The following SETBP1 variants were observed in gnomAD, a reference collection of about 807,000 sequenced individuals.
SETBP1 encodes the protein SET binding protein 1.
SETBP1 carries 9 observed loss-of-function variants against 101.0 expected under a neutral mutation model. The ratio of observed to expected loss-of-function variants is 0.09; its 90% CI spans 0.05 to 0.16. The LOEUF is 0.16. Among genes scored for constraint, SETBP1 ranks in the 10% least tolerant of loss-of-function variants. The pLI, the probability that SETBP1 is intolerant of heterozygous loss-of-function variation, is 1.00. For missense variants in SETBP1, 1,858 were observed against 2,033.8 expected (o/e 0.91, Z 1.66); for synonymous variants, 818 against 788.5 (o/e 1.04, Z -0.63).
intron 5 of SETBP1, among the ~76,000 whole-genome samples, chr18:45,048,694 C>T (rs555235436): frequency 3.3e-5 from 5 of 152,016 alleles, no homozygotes; most frequent in Non-Finnish European, 7.4e-5. Flanking sequence ...AGATTAGGGC[C>T]GGGCGCGGTG....
At chr18:44,881,844 T>C (rs2069536987) in intron 3 of SETBP1, among the ~76,000 whole-genome samples, 1 of 152,186 alleles carries the variant, frequency 6.6e-6, no homozygotes, top group Non-Finnish European at 1.5e-5. Flanking sequence ...TTCTAGTAAA[T>C]GTGACAGTCT....
In SETBP1 at chr18:44,909,363, T is replaced by A. The variant is rs181660054; in HGVS notation, c.540+40080T>A. On this transcript the variant is annotated intron_variant, in intron 3 of 5. Coordinates refer to ENST00000649279, the MANE Select transcript of SETBP1 (RefSeq NM_015559.3). ...AATGGACCAGAATCCAGTAATCCAGTTTGTAGGTGTCTGCTCGGCTGTCAT... is the reference window on the plus strand; with the variant it reads ...AATGGACCAGAATCCAGTAATCCAGATTGTAGGTGTCTGCTCGGCTGTCAT... 2.0e-5 allele frequency among the ~76,000 whole-genome samples: 3 copies of A among 152,188 alleles called. No homozygotes were observed. In the East Asian group the frequency reaches 5.8e-4, roughly 29 times the overall value.
intron 4 of SETBP1, among the ~76,000 whole-genome samples, chr18:44,995,715 AGGACC>A: frequency 6.6e-6 from 1 of 152,336 alleles, no homozygotes; most frequent in African/African-American, 2.4e-5. Context: ...GTGTCTGCCA[AGGACC>A]TTCTTGGTGC....
At chr18:44,680,829 C>T (rs1455872797), upstream of SETBP1, 1 of 142,408 alleles carries the variant, frequency 7.0e-6, no homozygotes. Flanking sequence ...GGAGTGGACT[C>T]GGGAGGGGGA....
At chr18:44,851,211 T>C (rs1180376100) in intron 2 of SETBP1, among the ~76,000 whole-genome samples, 1 of 152,154 alleles carries the variant, frequency 6.6e-6, no homozygotes, top group Non-Finnish European at 1.5e-5. Flanking sequence ...AAGTGGTAAA[T>C]AAGTGGCATA....
chr18:44,980,381 T>C (rs946166655), intron 4 of SETBP1, among the ~76,000 whole-genome samples: 1 of 152,086 alleles, frequency 6.6e-6, no homozygotes, highest in African/African-American at 2.4e-5. Context: ...ACAATATGTA[T>C]TATAAGAGCC....
intron 2 of SETBP1, among the ~76,000 whole-genome samples, chr18:44,824,709 C>T (rs1232608378): frequency 1.3e-5 from 2 of 151,828 alleles, no homozygotes; most frequent in African/African-American, 4.8e-5. Context: ...TTTCTTTTCC[C>T]CAGGGAATTG....
chr18:45,012,572 G>T (rs1285487710), intron 4 of SETBP1, among the ~76,000 whole-genome samples: 1 of 152,116 alleles, frequency 6.6e-6, no homozygotes, highest in African/African-American at 2.4e-5. Context: ...CTAGCCCTGG[G>T]AGGAGCCATC....
chr18:44,879,462 A>T (rs2069482000), intron 3 of SETBP1, among the ~76,000 whole-genome samples: 2 of 152,288 alleles, frequency 1.3e-5, no homozygotes, highest in South Asian at 4.1e-4. Flanking sequence ...CACTCCATAA[A>T]TGTGCACTGT....
At chr18:44,827,821 T>C (rs1040880034) in intron 2 of SETBP1, among the ~76,000 whole-genome samples, 3 of 152,208 alleles carry the variant, frequency 2.0e-5, no homozygotes, top group African/African-American at 7.2e-5. Context: ...GTTGACCCTG[T>C]TAAGCCTTCA....
chr18:44,990,999 C>T (rs2072361364), intron 4 of SETBP1, among the ~76,000 whole-genome samples: 1 of 149,670 alleles, frequency 6.7e-6, no homozygotes, highest in South Asian at 2.1e-4. Flanking sequence ...GCCTGTAATC[C>T]CAGCACTTTG....
intron 3 of SETBP1, among the ~76,000 whole-genome samples, chr18:44,913,625 C>A (rs1341910335): frequency 6.6e-6 from 1 of 152,206 alleles, no homozygotes; most frequent in Non-Finnish European, 1.5e-5. Flanking sequence ...AAAGTGGTTT[C>A]CCTGCACTCT....
intron 2 of SETBP1, among the ~76,000 whole-genome samples, chr18:44,817,217 T>C (rs1005210323): frequency 1.3e-5 from 2 of 152,158 alleles, no homozygotes; most frequent in Admixed American, 6.5e-5. Context: ...GCGTTACTTT[T>C]GAAAGCTGCA....
chr18:44,967,891 A>C (rs936146187), intron 4 of SETBP1, among the ~76,000 whole-genome samples: 1 of 152,154 alleles, frequency 6.6e-6, no homozygotes, highest in Admixed American at 6.5e-5. Flanking sequence ...TCTCTCTCTC[A>C]GAACACCTTG....
intron 2 of SETBP1, among the ~76,000 whole-genome samples, chr18:44,754,515 G>A (rs574810402): frequency 6.6e-6 from 1 of 152,282 alleles, no homozygotes; most frequent in South Asian, 2.1e-4. Context: ...TGTCTTAGAT[G>A]AAATCATAGA....
intron 3 of SETBP1, chr18:44,877,357 C>T: frequency 2.1e-6 from 2 of 967,864 alleles, no homozygotes; most frequent in Non-Finnish European, 2.5e-6. Context: ...TTGATAAGCT[C>T]TGTTCTAGTT....
intron 2 of SETBP1, among the ~76,000 whole-genome samples, chr18:44,774,952 T>C (rs2070964053): frequency 6.6e-6 from 1 of 151,930 alleles, no homozygotes; most frequent in African/African-American, 2.4e-5. Flanking sequence ...ACTTCAAATT[T>C]GATATAATGC....
intron 2 of SETBP1, among the ~76,000 whole-genome samples, chr18:44,734,698 C>T (rs2069925155): frequency 6.6e-6 from 1 of 152,118 alleles, no homozygotes; most frequent in Admixed American, 6.5e-5. Flanking sequence ...TCATGCCTTC[C>T]TTACCTCTAA....
At chr18:44,841,724 C>T (rs187870184) in intron 2 of SETBP1, among the ~76,000 whole-genome samples, 1 of 152,322 alleles carries the variant, frequency 6.6e-6, no homozygotes, top group African/African-American at 2.4e-5. Flanking sequence ...TTATCAGCAT[C>T]CAAGGAAGGG....
Sources: gnomAD v4.1 joint callset for allele counts (sites outside exome capture counted in the v4.1 genomes callset) on GRCh38, gnomAD v4.1.1 for gene constraint, MANE v1.5 for transcripts, NCBI Gene and HGNC (gene_info 2026-07-23, HGNC 2026-07-21) for gene names.